ATE1: variants seen among roughly 807,000 people sequenced by gnomAD.
ATE1 encodes the protein arginyl-tRNA--protein transferase 1.
A neutral mutation model predicts 70.5 loss-of-function variants in ATE1; 36 were observed. The observed-to-expected ratio is 0.51, with a 90% CI of 0.39 to 0.67. The LOEUF is 0.67. Among genes scored for constraint, ATE1 ranks in the 30% least tolerant of loss-of-function variants. The pLI is 0.00. For synonymous variants in ATE1, 232 were observed against 219.3 expected (o/e 1.06, Z -0.51); for missense variants, 593 against 629.5 (o/e 0.94, Z 0.62).
At chr10:121,892,617 C>T (rs1950619354) in intron 7 of ATE1, among the ~76,000 whole-genome samples, 1 of 151,776 alleles carries the variant, frequency 6.6e-6, no homozygotes, top group Admixed American at 6.6e-5. Context: ...AGTAATTCTC[C>T]TGCCTCAGTC....
At chr10:121,815,101 C>T (rs2133517154) in intron 10 of ATE1, among the ~76,000 whole-genome samples, 1 of 152,332 alleles carries the variant, frequency 6.6e-6, no homozygotes, top group African/African-American at 2.4e-5. Flanking sequence ...ACCATACACA[C>T]CAGAACTGGA....
At chr10:121,922,483 G>A (rs1013854824) in intron 2 of ATE1, 72 bp from the exon 3 acceptor site, 16 of 888,626 alleles carry the variant, frequency 1.8e-5, no homozygotes, top group Middle Eastern at 2.5e-4. Flanking sequence ...TAGCACAGGA[G>A]CATTAAATTA....
rs139706237 is a variant in ATE1, at chr10:121,830,587, G to A, written c.1257+6131C>T. On this transcript the variant is annotated intron_variant, in intron 10 of 11. Transcript: ENST00000224652. Reference sequence around the variant, plus strand: ...GTTATATAAATACAGAAAGAACAAAGACAATATCCTTAACTGAAATGAAAA... The same window carrying A: ...GTTATATAAATACAGAAAGAACAAAAACAATATCCTTAACTGAAATGAAAA... Among the ~76,000 whole-genome samples the A allele has an allele frequency of 3.6e-3, 544 of 152,210 alleles. 6 individuals are homozygous for A. Among genetic ancestry groups the A allele is most frequent in the African/African-American group, 0.013 (523 of 41,530 alleles).
chr10:121,860,334 A>T (rs1327551873), intron 8 of ATE1, among the ~76,000 whole-genome samples: 2 of 152,222 alleles, frequency 1.3e-5, no homozygotes, highest in Non-Finnish European at 2.9e-5. Context: ...GTCTTGCTGG[A>T]CACTGCTTCT....
At chr10:121,890,058 T>C (rs923520557) in intron 7 of ATE1, among the ~76,000 whole-genome samples, 3 of 152,136 alleles carry the variant, frequency 2.0e-5, no homozygotes, top group African/African-American at 7.2e-5. Flanking sequence ...TTGTCAACAT[T>C]GGTGAATGGA....
intron 1 of ATE1, among the ~76,000 whole-genome samples, chr10:121,926,554 A>G (rs1200361344): frequency 1.3e-5 from 2 of 152,222 alleles, no homozygotes; most frequent in African/African-American, 4.8e-5. Flanking sequence ...AATACAAGAC[A>G]TTTATGTTAG....
chr10:121,888,510 C>T (rs532851159), intron 7 of ATE1, among the ~76,000 whole-genome samples: 3 of 152,300 alleles, frequency 2.0e-5, no homozygotes, highest in Non-Finnish European at 4.4e-5. Context: ...GGACAACCGA[C>T]ATTACATGCT....
At chr10:121,927,543 C>G (rs1952146537) in intron 1 of ATE1, 4 of 985,202 alleles carry the variant, frequency 4.1e-6, no homozygotes, top group Non-Finnish European at 4.8e-6. Flanking sequence ...GGGGCGTTCC[C>G]TGGCACTGCG....
At chr10:121,865,951 T>C (rs976735174) in intron 8 of ATE1, among the ~76,000 whole-genome samples, 9 of 152,238 alleles carry the variant, frequency 5.9e-5, no homozygotes, top group African/African-American at 2.2e-4. Flanking sequence ...AAGTGAAGTT[T>C]AAAGTCGGCT....
At chr10:121,764,752 G>A (rs1424636446) in intron 11 of ATE1, among the ~76,000 whole-genome samples, 1 of 152,204 alleles carries the variant, frequency 6.6e-6, no homozygotes, top group African/African-American at 2.4e-5. Flanking sequence ...TACCTGTGCA[G>A]AGTGAGGAGC....
At chr10:121,790,072 C>G (rs1208310848) in intron 11 of ATE1, 97 bp downstream of exon 11, 4 of 1,524,648 alleles carry the variant, frequency 2.6e-6, no homozygotes, top group East Asian at 2.3e-5. Flanking sequence ...CTATAATATA[C>G]AAAGCTACCT....
rs115649559 is a variant in ATE1 at position 121,879,763 on chromosome 10, G to A, written c.943-9725C>T. 7.9e-3 allele frequency among the ~76,000 whole-genome samples: 1,196 copies of A among 152,226 alleles called. 18 individuals carry two copies. The highest frequency in any genetic ancestry group is 0.028 in the African/African-American group (1,156 of 41,524). Reference sequence around the variant, plus strand: ...ACAGAGAGAAGCAGTCACCAGTAAGGAAGACCCAGTAATGCTGAAGTAAAA... The same window carrying A: ...ACAGAGAGAAGCAGTCACCAGTAAGAAAGACCCAGTAATGCTGAAGTAAAA... On this transcript the variant is annotated intron_variant, in intron 7 of 11. Coordinates refer to ENST00000224652, the MANE Select transcript of ATE1 (RefSeq NM_001001976.3).
Position 121,842,691 on chromosome 10 carries a change from A to G in ATE1, c.976-1428T>C, listed in dbSNP as rs537449391. On this transcript the variant is annotated intron_variant, in intron 8 of 11. Transcript: ENST00000224652. ...TTCACATTAGAAAAGCAGCTTTTTAAAAGGCAATTAATGAACAATCAATGT... is the reference window on the plus strand; with the variant it reads ...TTCACATTAGAAAAGCAGCTTTTTAGAAGGCAATTAATGAACAATCAATGT... Among the ~76,000 whole-genome samples, 9 of 152,316 alleles carry G rather than the reference A, an allele frequency of 5.9e-5. No homozygotes were observed. In the South Asian group the frequency reaches 1.7e-3, roughly 28 times the overall value.
chr10:121,786,639 C>A (rs1432556651), intron 11 of ATE1, among the ~76,000 whole-genome samples: 7 of 149,606 alleles, frequency 4.7e-5, no homozygotes, highest in East Asian at 2.0e-4. Flanking sequence ...AGCCTGGCCT[C>A]AAAAAAAAAA....
intron 10 of ATE1, among the ~76,000 whole-genome samples, chr10:121,816,378 T>TA (rs1331951360): frequency 2.6e-5 from 4 of 152,224 alleles, no homozygotes; most frequent in Non-Finnish European, 5.9e-5. Flanking sequence ...GTAGTGGTAT[T>TA]AAGAGGTGTG....
intron 11 of ATE1, among the ~76,000 whole-genome samples, chr10:121,762,798 T>C (rs760960346): frequency 1.3e-5 from 2 of 152,254 alleles, no homozygotes; most frequent in East Asian, 3.8e-4. Context: ...AATGTACATA[T>C]AGCTCACATT....
intron 7 of ATE1, among the ~76,000 whole-genome samples, chr10:121,895,357 C>G (rs1022591030): frequency 6.6e-6 from 1 of 152,214 alleles, no homozygotes; most frequent in East Asian, 1.9e-4. Context: ...CGTCTGTAGT[C>G]CTAGCACCTC....
At chr10:121,872,888 T>G (rs1949911560) in intron 7 of ATE1, among the ~76,000 whole-genome samples, 1 of 152,140 alleles carries the variant, frequency 6.6e-6, no homozygotes, top group African/African-American at 2.4e-5. Context: ...AAGTTAACAG[T>G]AGTTAAGAGA....
At chr10:121,916,164 T>C (rs1951648453) in intron 3 of ATE1, among the ~76,000 whole-genome samples, 1 of 151,180 alleles carries the variant, frequency 6.6e-6, no homozygotes, top group Non-Finnish European at 1.5e-5. Context: ...GAGGCGGAGC[T>C]TGCAGTGAGC....
Sources: allele counts gnomAD v4.1 joint callset (sites outside exome capture counted in the v4.1 genomes callset), GRCh38; gene constraint gnomAD v4.1.1; transcripts MANE v1.5; gene names NCBI Gene and HGNC (gene_info 2026-07-23, HGNC 2026-07-21).